The following ABCG8 variants were observed in gnomAD, a reference collection of about 807,000 sequenced individuals.
ABCG8 encodes the protein ATP binding cassette subfamily G member 8.
In ABCG8, 81 loss-of-function variants were observed where a neutral mutation model predicts 71.3. That is an observed-to-expected ratio of 1.14 (90% CI 0.95 to 1.37). The LOEUF is 1.37. ABCG8 is among the 40% of genes most tolerant of loss of function. The pLI, the probability that ABCG8 is intolerant of heterozygous loss-of-function variation, is 0.00. For synonymous variants in ABCG8, 451 were observed against 354.7 expected (o/e 1.27, Z -3.05); for missense variants, 1,119 against 866.2 (o/e 1.29, Z -3.66).
chr2:43,877,962 A>G lies in ABCG8; in HGVS notation c.*49A>G, dbSNP rs778237058. On this transcript the variant is annotated 3_prime_UTR_variant, in exon 13 of 13. Transcript: ENST00000272286. ...GGTGGGGGACCTGAGCAGACCCTTC[A>G]ACTGCACTCCCTCCTCAGGAGCCCC... 11 of 1,613,426 alleles carry G rather than the reference A, an allele frequency of 6.8e-6. No homozygotes were observed. Among genetic ancestry groups the G allele is most frequent in the Non-Finnish European group, 9.3e-6 (11 of 1,179,822 alleles).
intron 6 of ABCG8, among the ~76,000 whole-genome samples, chr2:43,862,145 T>C (rs1028665552): frequency 2.0e-5 from 3 of 151,446 alleles, no homozygotes; most frequent in African/African-American, 7.2e-5. Context: ...GAACTCTCAG[T>C]ATCTGGCTAG....
intron 6 of ABCG8, among the ~76,000 whole-genome samples, chr2:43,866,524 A>T (rs1669537237): frequency 6.6e-6 from 1 of 152,088 alleles, no homozygotes; most frequent in African/African-American, 2.4e-5. Flanking sequence ...CCCCATCAAA[A>T]AGTGGGCGAA....
At chr2:43,867,799 G>A (rs1216838005) in intron 6 of ABCG8, among the ~76,000 whole-genome samples, 1 of 149,080 alleles carries the variant, frequency 6.7e-6, no homozygotes, top group Non-Finnish European at 1.5e-5. Context: ...GGATAGAACT[G>A]TCACTATCTG....
chr2:43,861,365 T>G (rs1392159213), intron 6 of ABCG8, among the ~76,000 whole-genome samples: 1 of 151,446 alleles, frequency 6.6e-6, no homozygotes, highest in East Asian at 1.9e-4. Context: ...TGGATAGAAT[T>G]CTCATTCTCT....
In ABCG8 at chr2:43,882,811, T is replaced by C. The variant is rs1366100515; in HGVS notation, c.*4898T>C. On this transcript the variant is annotated 3_prime_UTR_variant, in exon 13 of 13. Transcript: ENST00000272286. ...AATAATTAAAACAACGTTTAAGCAG[T>C]GGGTTGAGATTTTTAAACACAAACC... 1 of 152,174 alleles carries C rather than the reference T, an allele frequency of 6.6e-6. No individual in the cohort carries two copies. The highest frequency in any genetic ancestry group is 1.5e-5 in the Non-Finnish European group (1 of 68,026). The allele number at this position is 152,174 out of a possible 1,614,324, so 9.4% of individuals were successfully genotyped here.
chr2:43,852,270 G>A (rs374572042), intron 4 of ABCG8, 84 bp from the exon 5 acceptor site: 33 of 1,592,124 alleles, frequency 2.1e-5, no homozygotes, highest in African/African-American at 1.5e-4. Flanking sequence ...CCGGAGGAGC[G>A]GGCGCCTTTA....
rs1319108440 is a variant in ABCG8 at position 43,875,355 on chromosome 2, C to T, written c.1698C>T (p.Leu566=). 2 of 1,614,166 alleles carry T rather than the reference C, an allele frequency of 1.2e-6. No individual in the cohort carries two copies. The highest frequency in any genetic ancestry group is 1.6e-4 in the Middle Eastern group (1 of 6,062). ...TGGCCTCCTTCTTCAGCAATGCCCTCTACAACTCCTTCTACCTCGCCGGGG... is the reference window on the plus strand; with the variant it reads ...TGGCCTCCTTCTTCAGCAATGCCCTTTACAACTCCTTCTACCTCGCCGGGG... The part of the protein sequence containing the change: ...FHMASFFSNA[L]YNSFYLAGGF... Residue 566 remains leucine (L), a synonymous_variant, in exon 11 of 13, where the codon CTC becomes CTT. Coordinates refer to ENST00000272286, the MANE Select transcript of ABCG8 (RefSeq NM_022437.3).
Position 43,882,312 on chromosome 2 carries a change from C to A in ABCG8, c.*4399C>A, listed in dbSNP as rs576887052. 13 of 152,200 alleles carry A rather than the reference C, an allele frequency of 8.5e-5. No individual in the cohort carries two copies. The highest frequency in any genetic ancestry group is 2.9e-4 in the African/African-American group (12 of 41,442). The allele number at this position is 152,200 out of a possible 1,614,324, so 9.4% of individuals were successfully genotyped here. ...TTAAACAACTAGCAACAGAAATGTT[C>A]AAATCTGTCAAATCCAAGTGTTAAC... On this transcript the variant is annotated 3_prime_UTR_variant, in exon 13 of 13. Coordinates refer to ENST00000272286, the MANE Select transcript of ABCG8 (RefSeq NM_022437.3).
rs758830335 is a variant in ABCG8 at position 43,851,122 on chromosome 2, A to G, written c.323-462A>G. ...CTATAAATGCTCCAAATTAGTCCTCACAAAGCCAGCTTCTGAGCCAACCGA... is the reference window on the plus strand; with the variant it reads ...CTATAAATGCTCCAAATTAGTCCTCGCAAAGCCAGCTTCTGAGCCAACCGA... On this transcript the variant is annotated intron_variant, in intron 3 of 12. Transcript: ENST00000272286. 6.6e-5 allele frequency among the ~76,000 whole-genome samples: 10 copies of G among 152,294 alleles called. No homozygotes were observed. In the South Asian group the frequency reaches 1.9e-3, roughly 28 times the overall value.
chr2:43,869,003 C>G (rs907358528), intron 6 of ABCG8, among the ~76,000 whole-genome samples: 2 of 143,600 alleles, frequency 1.4e-5, no homozygotes, highest in African/African-American at 5.2e-5. Context: ...ACTTCTCGGT[C>G]TCTGGATAGA....
In ABCG8 at chr2:43,872,072, G is replaced by A. The variant is rs142346631; in HGVS notation, c.1061G>A (p.Arg354His). ...GCAGCCCTGTTTCTAGAAAAAGTGC[G>A]TGACTTAGATGACTTTCTATGGAAA... ...SLAALFLEKV[R>H]DLDDFLWKAE... The change falls in exon 7 of 13, where the codon CGT becomes CAT. Residue 354 changes from arginine (R) to histidine (H), a missense_variant. Arg to His is a conservative substitution (Grantham distance 29). Coordinates refer to ENST00000272286, the MANE Select transcript of ABCG8 (RefSeq NM_022437.3). The A allele has an allele frequency of 2.5e-5, 40 of 1,613,984 alleles. No individual in the cohort carries two copies. The highest frequency in any genetic ancestry group is 3.3e-5 in the Admixed American group (2 of 60,006).
At chr2:43,869,975 A>G (rs77370416) in intron 6 of ABCG8, among the ~76,000 whole-genome samples, 8,131 of 152,060 alleles carry the variant, frequency 0.053, 251 homozygotes, top group Middle Eastern at 0.11. Context: ...CACTCTGTGG[A>G]TAGAACTGTG....
rs947237870 is a variant in ABCG8, at chr2:43,882,423, G to A, written c.*4510G>A. 1.3e-5 allele frequency: 2 copies of A among 152,228 alleles called. No homozygotes were observed. The highest frequency in any genetic ancestry group is 2.9e-5 in the Non-Finnish European group (2 of 68,042). 9.4% of individuals were successfully genotyped at this position (152,228 alleles called of 1,614,324 possible). Reference sequence around the variant, plus strand: ...GGCCCAACCGGCCTTGGGGTCTGGAGCACCAAACAGGCCCTGAGGAAGCGT... The same window carrying A: ...GGCCCAACCGGCCTTGGGGTCTGGAACACCAAACAGGCCCTGAGGAAGCGT... On this transcript the variant is annotated 3_prime_UTR_variant, in exon 13 of 13. Coordinates refer to ENST00000272286, the MANE Select transcript of ABCG8 (RefSeq NM_022437.3).
intron 6 of ABCG8, among the ~76,000 whole-genome samples, chr2:43,853,827 C>T (rs554578687): frequency 8.5e-5 from 13 of 152,294 alleles, no homozygotes; most frequent in South Asian, 2.1e-4. Context: ...TGTGACTCCT[C>T]GTCCAGCAGC....
intron 6 of ABCG8, among the ~76,000 whole-genome samples, chr2:43,868,866 TA>T (rs913140151): frequency 4.6e-5 from 7 of 150,920 alleles, no homozygotes; most frequent in Non-Finnish European, 7.4e-5. Context: ...ATCTTTCAGA[TA>T]GAATTCTCCT....
intron 3 of ABCG8, among the ~76,000 whole-genome samples, chr2:43,849,508 C>T (rs2104916442): frequency 6.6e-6 from 1 of 152,274 alleles, no homozygotes; most frequent in East Asian, 1.9e-4. Flanking sequence ...CCACCAGATC[C>T]CTCCCTCGAC....
chr2:43,855,793 A>G (rs984611173), intron 6 of ABCG8, among the ~76,000 whole-genome samples: 1 of 151,428 alleles, frequency 6.6e-6, no homozygotes, highest in African/African-American at 2.4e-5. Flanking sequence ...TAGAACTCTC[A>G]CTATCTATCT....
intron 6 of ABCG8, among the ~76,000 whole-genome samples, chr2:43,860,165 C>G (rs189862647): frequency 6.6e-6 from 1 of 151,512 alleles, no homozygotes; most frequent in African/African-American, 2.4e-5. Context: ...TTCTCACTCT[C>G]TGGATAGAAC....
chr2:43,876,609 G>A (rs769921234), intron 11 of ABCG8, among the ~76,000 whole-genome samples: 2 of 151,558 alleles, frequency 1.3e-5, no homozygotes, highest in Non-Finnish European at 2.9e-5. Context: ...ACATGAATAT[G>A]CAGGAGACTG....
Sources: gnomAD v4.1 joint callset for allele counts (sites outside exome capture counted in the v4.1 genomes callset) on GRCh38, gnomAD v4.1.1 for gene constraint, MANE v1.5 for transcripts, NCBI Gene and HGNC (gene_info 2026-07-23, HGNC 2026-07-21) for gene names.